SLX4: variants seen among roughly 807,000 people sequenced by gnomAD.
SLX4 encodes the protein SLX4 structure-specific endonuclease subunit, also known as structure-specific endonuclease subunit SLX4.
SLX4 carries 112 observed loss-of-function variants against 146.2 expected under a neutral mutation model. The ratio of observed to expected loss-of-function variants is 0.77; its 90% confidence interval spans 0.66 to 0.90. SLX4 has a LOEUF of 0.90. Ranked by LOEUF, SLX4 falls within the 40% of genes least tolerant of loss-of-function variation. The pLI, the probability that SLX4 is intolerant of heterozygous loss-of-function variation, is 0.00. For synonymous variants in SLX4, 1,061 were observed against 997.7 expected (o/e 1.06, Z -1.20); for missense variants, 2,563 against 2,392.7 (o/e 1.07, Z -1.49).
In SLX4 at chr16:3,582,407, G is replaced by C. The variant is rs767720336; in HGVS notation, c.5440C>G (p.Arg1814Gly). 14 of 1,613,748 alleles carry C rather than the reference G, an allele frequency of 8.7e-6. No homozygotes were observed. In the African/African-American group the frequency reaches 1.5e-4, roughly 17 times the overall value. Residue 1814 changes from arginine (R) to glycine (G), a missense_variant, in exon 15 of 15, where the codon CGC (arginine) becomes GGC (glycine). Coordinates refer to ENST00000294008, the MANE Select transcript of SLX4 (RefSeq NM_032444.4). Reference sequence around the variant, plus strand: ...CTCCTGCCCTGGAGCTTCTCCCTGCGGGTGGCGGCAGTGGTGAAGGTGATA... The same window carrying C: ...CTCCTGCCCTGGAGCTTCTCCCTGCCGGTGGCGGCAGTGGTGAAGGTGATA... Reference protein sequence around the residue: ...HCITFTTAATRREKLQGRRRQ... With the variant: ...HCITFTTAATGREKLQGRRRQ...
Position 3,596,376 on chromosome 16 carries a change from G to C in SLX4, c.1701C>G (p.Pro567=), listed in dbSNP as rs776750571. 6.3e-7 allele frequency: 1 copy of C among 1,596,712 alleles called. No individual in the cohort carries two copies. The highest frequency in any genetic ancestry group is 1.1e-5 in the South Asian group (1 of 89,518). Residue 567 remains proline (P), a synonymous_variant, in exon 8 of 15, where the codon CCC becomes CCG. Transcript: ENST00000294008. ...QRPAQGLMQE[P]VPPLVPPEHS... ...GCTCAGGTGGCACCAGAGGCGGCAC[G>C]GGCTCCTGCATAAGGCCCTGAAAGA...
rs369588132 is a variant in SLX4 at position 3,594,323 on chromosome 16, TGGG to T, written c.2160+127_2160+129del. ...TGGGAGGGAGAAGGTGAGAACATGG[TGGG>T]GCAGGAAGTGAGGGAGAGTGGGGGG... On this transcript the variant is annotated intron_variant, in intron 10 of 14. Transcript: ENST00000294008. 540 of 1,286,078 alleles carry T rather than the reference TGGG, an allele frequency of 4.2e-4. 5 individuals carry two copies. The East Asian group carries it at 0.01, about 25-fold the overall frequency. The allele number at this position is 1,286,078 out of a possible 1,614,324, so 79.7% of individuals were successfully genotyped here.
At chr16:3,593,564 T>C (rs1190298703) in intron 10 of SLX4, among the ~76,000 whole-genome samples, 1 of 152,210 alleles carries the variant, frequency 6.6e-6, no homozygotes, top group Non-Finnish European at 1.5e-5. Context: ...CATTAGCCAC[T>C]GTTTATGCAG....
intron 2 of SLX4, among the ~76,000 whole-genome samples, chr16:3,607,643 C>T (rs1267752629): frequency 6.6e-6 from 1 of 152,126 alleles, no homozygotes; most frequent in Non-Finnish European, 1.5e-5. Flanking sequence ...TATGATAGCA[C>T]CACTGCACTC....
At position 3,602,217 on chromosome 16, in the gene SLX4, T is replaced by A; in HGVS notation, c.851A>T (p.His284Leu). The stretch of plus-strand genomic sequence containing the variant: ...ACCCTTTTCCTCCAGGCTATCATCA[T>A]GTGCCGATGCTCCTACCCGTGCAAA... Reference protein sequence around the residue: ...QEFARVGASAHDDSLEEKGLF... With the variant: ...QEFARVGASALDDSLEEKGLF... The change falls in exon 4 of 15, where the codon CAT (histidine) becomes CTT (leucine). Residue 284 changes from histidine (H) to leucine (L), a missense_variant. Coordinates refer to ENST00000294008, the MANE Select transcript of SLX4 (RefSeq NM_032444.4). 1 of 1,614,206 alleles carries A rather than the reference T, an allele frequency of 6.2e-7. No homozygotes were observed. The highest frequency in any genetic ancestry group is 8.5e-7 in the Non-Finnish European group (1 of 1,180,038).
chr16:3,604,524 G>C (rs1356771255), intron 3 of SLX4, among the ~76,000 whole-genome samples: 2 of 151,954 alleles, frequency 1.3e-5, no homozygotes, highest in Non-Finnish European at 2.9e-5. Flanking sequence ...TAATATGGAA[G>C]AAAAATATGT....
At chr16:3,601,319 C>G (rs552109512) in intron 4 of SLX4, 128 bp from the exon 5 acceptor site, 1 of 904,460 alleles carries the variant, frequency 1.1e-6, no homozygotes, top group Admixed American at 2.0e-5. Flanking sequence ...CCCCTCTACA[C>G]AGCCTGGCTC....
At chr16:3,585,800 CAAAAA>C (rs1226056168) in intron 12 of SLX4, among the ~76,000 whole-genome samples, 1 of 60,732 alleles carries the variant, frequency 1.6e-5, no homozygotes. Context: ...CCTATCTCTA[CAAAAA>C]AAAAAAAAAA....
intron 12 of SLX4, 43 bp downstream of exon 12, chr16:3,588,959 G>C: frequency 6.2e-7 from 1 of 1,611,742 alleles, no homozygotes; most frequent in Non-Finnish European, 8.5e-7. Flanking sequence ...GTGTAAAATA[G>C]TAACAAAGAC....
At position 3,606,531 on chromosome 16, in the gene SLX4, C is replaced by T. The variant is rs754917250; in HGVS notation, c.703G>A (p.Ala235Thr). The T allele has an allele frequency of 1.2e-6, 2 of 1,614,214 alleles. No individual in the cohort carries two copies. Among genetic ancestry groups the T allele is most frequent in the East Asian group, 4.5e-5 (2 of 44,884 alleles). The change falls in exon 3 of 15, where the codon GCT becomes ACT. Residue 235 changes from alanine (A) to threonine (T), a missense_variant. Coordinates refer to ENST00000294008, the MANE Select transcript of SLX4 (RefSeq NM_032444.4). ...TTTGGGACATTTTCTTCCCGCGCAG[C>T]CTCGAGGGAGCACTCTTCTGAAGCG... The part of the protein sequence containing the change: ...RHASEECSLE[A>T]AREENVPKDP...
rs112511042 is a variant in SLX4 at position 3,600,990 on chromosome 16, T to C, written c.1152A>G (p.Pro384=). ...QTAQPEGSSS[P]PMFSFSDHSR... The stretch of plus-strand genomic sequence containing the variant: ...TTTCGTCGACTTACCTGAACATGGG[T>C]GGGCTGCTGCTACCCTCAGGCTGTG... Residue 384 remains proline (P), a synonymous_variant, in exon 5 of 15, where the codon CCA becomes CCG. Coordinates refer to ENST00000294008, the MANE Select transcript of SLX4 (RefSeq NM_032444.4). 0.063 allele frequency: 101,353 copies of C among 1,613,138 alleles called. 3,407 individuals carry two copies. The highest frequency in any genetic ancestry group is 0.07 in the Admixed American group (4,173 of 60,000).
At chr16:3,591,476 C>T (rs1235625599) in intron 11 of SLX4, among the ~76,000 whole-genome samples, 166 bp from the exon 12 acceptor site, 5 of 152,212 alleles carry the variant, frequency 3.3e-5, no homozygotes, top group Admixed American at 3.3e-4. Flanking sequence ...CAGAAACACC[C>T]AGGCCACTTA....
chr16:3,582,650 C>A lies in SLX4; in HGVS notation c.5197G>T (p.Glu1733Ter). Residue 1733 changes from glutamate (E) to a stop codon, truncating the protein, a stop_gained, in exon 15 of 15, where the codon GAA becomes TAA. Coordinates refer to ENST00000294008, the MANE Select transcript of SLX4 (RefSeq NM_032444.4). LOFTEE classifies it low-confidence loss of function (END_TRUNC). ...CTGACCTCCCCCTCGCCCTCCTCTT[C>A]ACCTGCAGACTCAAATGCCGCTCCA... ...EFGAAFESAG[E>*]EEGEGEVSAS... is the part of the protein sequence containing the mutation. The A allele has an allele frequency of 1.2e-6, 2 of 1,613,352 alleles. No homozygotes were observed. The highest frequency in any genetic ancestry group is 1.7e-6 in the Non-Finnish European group (2 of 1,180,032).
At chr16:3,601,868 G>T (rs1280255317) in intron 4 of SLX4, 3 of 491,134 alleles carry the variant, frequency 6.1e-6, no homozygotes, top group South Asian at 2.1e-5. Flanking sequence ...AAATAATCCA[G>T]AAGTGATTGT....
At chr16:3,584,971 T>C in intron 12 of SLX4, 100 bp from the exon 13 acceptor site, 1 of 911,010 alleles carries the variant, frequency 1.1e-6, no homozygotes, top group Non-Finnish European at 1.8e-6. Context: ...CACTTGAAGA[T>C]AACCCAAGCA....
Position 3,592,817 on chromosome 16 carries a change from G to C in SLX4, c.2209C>G (p.Arg737Gly), listed in dbSNP as rs140706384. ...GTGCTCACGTCACCCAGCAGGACACGCTGGGTCAGAACCCCGTCCTCTACA... is the reference window on the plus strand; with the variant it reads ...GTGCTCACGTCACCCAGCAGGACACCCTGGGTCAGAACCCCGTCCTCTACA... ...SAVEDGVLTQ[R>G]VLLGDVSTEA... The change falls in exon 11 of 15, where the codon CGT becomes GGT. Residue 737 changes from arginine to glycine, a missense_variant. Coordinates refer to ENST00000294008, the MANE Select transcript of SLX4 (RefSeq NM_032444.4). 6 of 1,612,270 alleles carry C rather than the reference G, an allele frequency of 3.7e-6. No homozygotes were observed. In the African/African-American group the frequency reaches 8.0e-5, roughly 22 times the overall value.
rs571996250 is a variant in SLX4, at chr16:3,602,167, T to G, written c.901A>C (p.Lys301Gln). ...GTCACGTTCATGGCTGAGAGGTTCTTTTGACAAATCTGGCAGAAGAACAAA... is the reference window on the plus strand; with the variant it reads ...GTCACGTTCATGGCTGAGAGGTTCTGTTGACAAATCTGGCAGAAGAACAAA... ...KGLFFCQICQ[K>Q]NLSAMNVTRR... The change falls in exon 4 of 15, where the codon AAG becomes CAG. Residue 301 changes from lysine (K) to glutamine (Q), a missense_variant. Lys to Gln is a moderately conservative substitution (Grantham distance 53). Transcript: ENST00000294008. The G allele has an allele frequency of 5.0e-6, 8 of 1,614,114 alleles. No individual in the cohort carries two copies. In the South Asian group the frequency reaches 6.6e-5, roughly 13 times the overall value.
In SLX4 at chr16:3,589,108, C is replaced by T. The variant is rs139254595; in HGVS notation, c.4530G>A (p.Leu1510=). 4 of 1,614,032 alleles carry T rather than the reference C, an allele frequency of 2.5e-6. No individual in the cohort carries two copies. Among genetic ancestry groups the T allele is most frequent in the African/African-American group, 1.3e-5 (1 of 74,930 alleles). ...NSRPSFLNSA[L]WDVWDGEEQR... is the part of the protein sequence containing the mutation. ...GCTCTTCCCCGTCCCAAACGTCCCA[C>T]AGAGCCGAATTCAGAAAGCTCGGCC... The change falls in exon 12 of 15, where the codon CTG becomes CTA. Residue 1510 remains leucine, a synonymous_variant. Transcript: ENST00000294008. This position sits in a 1 kb window ranked among gnomAD's most constrained non-coding sequence, Gnocchi z 6.2.
At chr16:3,594,650 A>G in intron 9 of SLX4, 51 bp from the exon 10 acceptor site, 9 of 1,612,836 alleles carry the variant, frequency 5.6e-6, no homozygotes, top group Non-Finnish European at 7.6e-6. Context: ...CTGCTCTGCT[A>G]ACTGGGCAGT....
Sources: gnomAD v4.1 joint callset for allele counts (sites outside exome capture counted in the v4.1 genomes callset) on GRCh38, gnomAD v4.1.1 for gene constraint, Gnocchi (gnomAD v3.1) non-coding constraint, MANE v1.5 for transcripts, NCBI Gene and HGNC (gene_info 2026-07-23, HGNC 2026-07-21) for gene names.